The following CNTNAP2 variants were observed in gnomAD, a reference collection of about 807,000 sequenced individuals.
CNTNAP2 encodes the protein contactin associated protein 2, also known as contactin-associated protein-like 2.
CNTNAP2 carries 98 observed loss-of-function variants against 155.2 expected under a neutral mutation model. That is an observed-to-expected ratio of 0.63 (90% CI 0.54 to 0.75). CNTNAP2 has a LOEUF of 0.75. CNTNAP2 is among the 30% of genes least tolerant of loss of function. The pLI, the probability that CNTNAP2 is intolerant of heterozygous loss-of-function variation, is 0.00. For missense variants in CNTNAP2, 1,727 were observed against 1,688.1 expected (o/e 1.02, Z -0.40); for synonymous variants, 651 against 631.2 (o/e 1.03, Z -0.47).
chr7:147,331,188 A>G (rs1185677017), intron 9 of CNTNAP2, among the ~76,000 whole-genome samples: 3 of 152,144 alleles, frequency 2.0e-5, no homozygotes, highest in Admixed American at 6.5e-5. Flanking sequence ...TGACACAGAA[A>G]AAGACTCAAA....
At chr7:146,296,353 A>C (rs1800514626) in intron 1 of CNTNAP2, among the ~76,000 whole-genome samples, 1 of 152,032 alleles carries the variant, frequency 6.6e-6, no homozygotes, top group Non-Finnish European at 1.5e-5. Flanking sequence ...CAGACTCCCC[A>C]AGGTGATGTG....
At chr7:147,117,698 T>C (rs1801017307) in intron 5 of CNTNAP2, among the ~76,000 whole-genome samples, 1 of 152,182 alleles carries the variant, frequency 6.6e-6, no homozygotes, top group Non-Finnish European at 1.5e-5. Context: ...TGAATATGAC[T>C]TGTATCTCAT....
chr7:146,668,451 T>TGG (rs1800238915), intron 1 of CNTNAP2, among the ~76,000 whole-genome samples: 5 of 150,788 alleles, frequency 3.3e-5, no homozygotes, highest in Non-Finnish European at 5.9e-5. Flanking sequence ...TGTGTGTGTG[T>TGG]GTGTGTGTGT....
At chr7:147,495,171 T>C (rs1412294825) in intron 11 of CNTNAP2, among the ~76,000 whole-genome samples, 1 of 152,132 alleles carries the variant, frequency 6.6e-6, no homozygotes, top group East Asian at 1.9e-4. Flanking sequence ...GTGTGTATGA[T>C]ATGAGAGAAA....
Position 148,013,100 on chromosome 7 carries a change from T to C in CNTNAP2, c.2383+35111T>C, listed in dbSNP as rs544382376. Reference sequence around the variant, plus strand: ...CAGTGCTGAAATTATGAGGAAAAGATGTGGTTCAGGAGAAGCTTATTAAAT... The same window carrying C: ...CAGTGCTGAAATTATGAGGAAAAGACGTGGTTCAGGAGAAGCTTATTAAAT... On this transcript the variant is annotated intron_variant, in intron 15 of 23. Coordinates refer to ENST00000361727, the MANE Select transcript of CNTNAP2 (RefSeq NM_014141.6). The C allele has an allele frequency of 2.6e-5, 4 of 152,312 alleles. No individual in the cohort carries two copies. In the South Asian group the frequency reaches 8.3e-4, roughly 32 times the overall value. The allele number at this position is 152,312 out of a possible 1,614,324, so 9.4% of individuals were successfully genotyped here.
At chr7:147,692,274 AT>A (rs1407017149) in intron 13 of CNTNAP2, among the ~76,000 whole-genome samples, 1 of 152,054 alleles carries the variant, frequency 6.6e-6, no homozygotes, top group Non-Finnish European at 1.5e-5. Context: ...GGACATCTTG[AT>A]TGCTTCCACT....
At chr7:147,425,655 T>C (rs1797366593) in intron 10 of CNTNAP2, among the ~76,000 whole-genome samples, 1 of 152,270 alleles carries the variant, frequency 6.6e-6, no homozygotes, top group African/African-American at 2.4e-5. Flanking sequence ...ACAATTCTCA[T>C]TTTTGTATCT....
intron 13 of CNTNAP2, among the ~76,000 whole-genome samples, chr7:147,669,824 G>A (rs1795757904): frequency 6.6e-6 from 1 of 152,106 alleles, no homozygotes; most frequent in Non-Finnish European, 1.5e-5. Flanking sequence ...ATCAGGCTTG[G>A]ACTCCCCCCT....
At chr7:146,515,975 A>G (rs758668916) in intron 1 of CNTNAP2, among the ~76,000 whole-genome samples, 4 of 152,212 alleles carry the variant, frequency 2.6e-5, no homozygotes, top group Middle Eastern at 6.8e-3. Flanking sequence ...ATGTAAGTAT[A>G]TAATATACTA....
intron 1 of CNTNAP2, among the ~76,000 whole-genome samples, chr7:146,211,295 G>A (rs1799031101): frequency 6.6e-6 from 1 of 151,978 alleles, no homozygotes; most frequent in Non-Finnish European, 1.5e-5. Flanking sequence ...ATTTTCCTCC[G>A]GCAATTTCGA....
chr7:146,448,047 AATTTAATTCAC>A (rs1408536913), intron 1 of CNTNAP2, among the ~76,000 whole-genome samples: 1 of 152,026 alleles, frequency 6.6e-6, no homozygotes, highest in Non-Finnish European at 1.5e-5. Flanking sequence ...TCTTATTCTT[AATTTAATTCAC>A]AAGATTCCCA....
At chr7:146,308,383 T>A (rs938318392) in intron 1 of CNTNAP2, among the ~76,000 whole-genome samples, 6 of 151,424 alleles carry the variant, frequency 4.0e-5, no homozygotes, top group African/African-American at 1.2e-4. Context: ...ATTGGTGGGA[T>A]TGTAAACTAG....
intron 3 of CNTNAP2, among the ~76,000 whole-genome samples, chr7:146,934,271 A>T (rs1223251783): frequency 6.6e-6 from 1 of 152,122 alleles, no homozygotes; most frequent in East Asian, 1.9e-4. Context: ...ATAAGAAATG[A>T]TGAGTTCATG....
rs11520907 is a variant in CNTNAP2 at position 146,598,417 on chromosome 7, T to C, written c.98-175854T>C. 7.6e-3 allele frequency among the ~76,000 whole-genome samples: 1,162 copies of C among 152,248 alleles called. 7 individuals are homozygous for C. Among genetic ancestry groups the C allele is most frequent in the Middle Eastern group, 0.017 (5 of 294 alleles). ...GTAGATCTCCTGGAGAGTTATTTTTTATACTCACTGTCTGTACTGTTTCCT... is the reference window on the plus strand; with the variant it reads ...GTAGATCTCCTGGAGAGTTATTTTTCATACTCACTGTCTGTACTGTTTCCT... On this transcript the variant is annotated intron_variant, in intron 1 of 23. Transcript: ENST00000361727.
intron 1 of CNTNAP2, among the ~76,000 whole-genome samples, chr7:146,700,333 A>G (rs993674708): frequency 5.3e-5 from 8 of 152,174 alleles, no homozygotes; most frequent in African/African-American, 1.9e-4. Context: ...TGAAGGATCT[A>G]AGAAAAATTA....
At position 148,376,929 on chromosome 7, in the gene CNTNAP2, T is replaced by C. The variant is rs1474560832; in HGVS notation, c.3476-6720T>C. On this transcript the variant is annotated intron_variant, in intron 21 of 23. Transcript: ENST00000361727. ...GCCCTGCCTGATGTTTACCATTTGA[T>C]CACGTTCGAACTGAGGAATGAGGCT... Among the ~76,000 whole-genome samples, 2 of 67,762 alleles carry C rather than the reference T, an allele frequency of 3.0e-5. 1 individual carries two copies. Among genetic ancestry groups the C allele is most frequent in the African/African-American group, 7.2e-5 (2 of 27,640 alleles). 44.5% of individuals were successfully genotyped at this position (67,762 alleles called of 152,430 possible).
intron 8 of CNTNAP2, among the ~76,000 whole-genome samples, chr7:147,168,245 A>G (rs1288728893): frequency 1.3e-5 from 2 of 151,334 alleles, no homozygotes; most frequent in Non-Finnish European, 3.0e-5. Context: ...ATTTGTGTAT[A>G]TAAAATATAT....
At chr7:146,787,326 C>G (rs1802591341) in intron 2 of CNTNAP2, among the ~76,000 whole-genome samples, 1 of 152,104 alleles carries the variant, frequency 6.6e-6, no homozygotes. Context: ...CGGACCCTTG[C>G]GGTGAGGGTT....
intron 1 of CNTNAP2, among the ~76,000 whole-genome samples, chr7:146,212,178 G>A (rs1201811547): frequency 6.6e-6 from 1 of 152,164 alleles, no homozygotes; most frequent in African/African-American, 2.4e-5. Flanking sequence ...AACTAATAGT[G>A]TGTGAAACAA....
Sources: gnomAD v4.1 joint callset for allele counts (sites outside exome capture counted in the v4.1 genomes callset) on GRCh38, gnomAD v4.1.1 for gene constraint, MANE v1.5 for transcripts, NCBI Gene and HGNC (gene_info 2026-07-23, HGNC 2026-07-21) for gene names.